Variants in ABCA10 observed in about 807,000 individuals in gnomAD.
ABCA10 encodes ATP binding cassette subfamily A member 10, also known as ATP-binding cassette sub-family A member 10.
Under a neutral mutation model 187.5 loss-of-function variants are expected in ABCA10, and 169 were observed. The ratio of observed to expected loss-of-function variants is 0.90; its 90% CI spans 0.80 to 1.02. The LOEUF is 1.02. Ranked by LOEUF, ABCA10 falls within the 50% of genes least tolerant of loss-of-function variation. The pLI, the probability that ABCA10 is intolerant of heterozygous loss-of-function variation, is 0.00. For synonymous variants in ABCA10, 574 were observed against 601.8 expected (o/e 0.95, Z 0.68); for missense variants, 1,727 against 1,812.4 (o/e 0.95, Z 0.86).
At chr17:69,211,931 G>A (rs1044498945) in intron 9 of ABCA10, among the ~76,000 whole-genome samples, 2 of 151,988 alleles carry the variant, frequency 1.3e-5, no homozygotes, top group African/African-American at 4.8e-5. Context: ...CAAAGAACCA[G>A]CTTTTTGTTT....
chr17:69,175,300 A>G, intron 23 of ABCA10, 106 bp downstream of exon 23: 1 of 960,474 alleles, frequency 1.0e-6, no homozygotes, highest in South Asian at 1.8e-5. Context: ...TGTATGTGTA[A>G]AAACATTAAC....
chr17:69,193,553 T>C lies in ABCA10; in HGVS notation c.1581A>G (p.Lys527=), dbSNP rs576212414. 1.9e-6 allele frequency: 3 copies of C among 1,613,350 alleles called. No homozygotes were observed. Among genetic ancestry groups the C allele is most frequent in the Non-Finnish European group, 2.5e-6 (3 of 1,179,476 alleles). ...GTTTTCTCTTCTGCCCACCACTTAA[T>C]TTTTTAGCAATAATGTCTTGAATGC... is the stretch of plus-strand genomic sequence containing the variant. ...MQSIQDIIAK[K]LSGGQKRKLT... is the part of the protein sequence containing the mutation. The change falls in exon 14 of 39, where the codon AAA becomes AAG. Residue 527 remains lysine, a synonymous_variant. Transcript: ENST00000690296.
At chr17:69,163,272 C>G (rs996458748) in intron 27 of ABCA10, among the ~76,000 whole-genome samples, 1 of 152,160 alleles carries the variant, frequency 6.6e-6, no homozygotes, top group African/African-American at 2.4e-5. Context: ...TCAAAAAGCA[C>G]AGCCACCAAA....
intron 17 of ABCA10, among the ~76,000 whole-genome samples, chr17:69,190,953 G>A (rs1477487493): frequency 6.6e-6 from 1 of 151,990 alleles, no homozygotes; most frequent in Admixed American, 6.6e-5. Flanking sequence ...GTTTAATTTT[G>A]ACAAAGAGTG....
At chr17:69,226,987 T>A (rs1026056851) in intron 2 of ABCA10, among the ~76,000 whole-genome samples, 158 bp downstream of exon 2, 2 of 151,760 alleles carry the variant, frequency 1.3e-5, no homozygotes, top group African/African-American at 4.8e-5. Flanking sequence ...AAAATATATA[T>A]CGTTTTGCAG....
intron 27 of ABCA10, among the ~76,000 whole-genome samples, chr17:69,160,805 T>C (rs1425782175): frequency 6.6e-6 from 1 of 152,200 alleles, no homozygotes; most frequent in Non-Finnish European, 1.5e-5. Flanking sequence ...TTGTACACTG[T>C]TGGTGAGACT....
rs1219860458 is a variant in ABCA10, at chr17:69,215,938, T to C, written c.735A>G (p.Gly245=). The C allele has an allele frequency of 3.1e-6, 5 of 1,613,718 alleles. No individual in the cohort carries two copies. The highest frequency in any genetic ancestry group is 4.2e-6 in the Non-Finnish European group (5 of 1,179,880). The change falls in exon 8 of 39, where the codon GGA becomes GGG. Residue 245 remains glycine, a synonymous_variant. Coordinates refer to ENST00000690296, the MANE Select transcript of ABCA10 (RefSeq NM_001377321.1). ...IRKPMLAGLA[G]FLFTVFWGCL... Reference sequence around the variant, plus strand: ...ATCCCCAAAATACAGTGAAGAGAAATCCAGCCAAACCAGCGAGCATAGGTT... The same window carrying C: ...ATCCCCAAAATACAGTGAAGAGAAACCCAGCCAAACCAGCGAGCATAGGTT...
intron 9 of ABCA10, among the ~76,000 whole-genome samples, chr17:69,208,578 T>C (rs1329285457): frequency 6.6e-6 from 1 of 152,136 alleles, no homozygotes; most frequent in African/African-American, 2.4e-5. Context: ...AAAATTCTCA[T>C]TTTGTCTGCT....
At chr17:69,220,392 C>T (rs2074739119) in intron 5 of ABCA10, among the ~76,000 whole-genome samples, 1 of 152,176 alleles carries the variant, frequency 6.6e-6, no homozygotes, top group Admixed American at 6.6e-5. Context: ...AAGAAATAAA[C>T]CACTCCCATA....
At chr17:69,178,413 A>G (rs2074353391) in intron 22 of ABCA10, among the ~76,000 whole-genome samples, 1 of 152,148 alleles carries the variant, frequency 6.6e-6, no homozygotes, top group Non-Finnish European at 1.5e-5. Flanking sequence ...AGCAGCATCA[A>G]CGTCACCCGG....
chr17:69,173,676 T>A (rs1269598789), intron 25 of ABCA10, among the ~76,000 whole-genome samples: 1 of 152,124 alleles, frequency 6.6e-6, no homozygotes. Context: ...TAAGTGAATC[T>A]TACTTAACAA....
chr17:69,217,575 A>G (rs896073732), intron 6 of ABCA10, among the ~76,000 whole-genome samples: 3 of 152,356 alleles, frequency 2.0e-5, no homozygotes, highest in African/African-American at 2.4e-5. Flanking sequence ...ATAGTACTCA[A>G]CAATAAGAAA....
intron 9 of ABCA10, among the ~76,000 whole-genome samples, chr17:69,204,828 G>A (rs564431171): frequency 5.4e-4 from 82 of 152,300 alleles, no homozygotes; most frequent in African/African-American, 1.9e-3. Context: ...TTTGAAAGAT[G>A]CTTATAAAAA....
chr17:69,216,389 G>A (rs909949998), intron 6 of ABCA10, 31 bp from the exon 7 acceptor site: 1 of 1,585,350 alleles, frequency 6.3e-7, no homozygotes, highest in East Asian at 2.2e-5. Context: ...TAGTTCAACT[G>A]TCACAAACAT....
At chr17:69,229,052 A>C (rs1198547620), upstream of ABCA10, among the ~76,000 whole-genome samples, 4 of 152,076 alleles carry the variant, frequency 2.6e-5, no homozygotes, top group African/African-American at 4.8e-5. Flanking sequence ...TGCTCATCTC[A>C]GAAATCTGAA....
intron 18 of ABCA10, among the ~76,000 whole-genome samples, chr17:69,188,568 T>C (rs1428196630): frequency 6.6e-6 from 1 of 151,530 alleles, no homozygotes; most frequent in Non-Finnish European, 1.5e-5. Flanking sequence ...GTGTGTCATT[T>C]AGGTGCAGGC....
At chr17:69,161,894 A>G (rs1598089186) in intron 27 of ABCA10, among the ~76,000 whole-genome samples, 1 of 152,198 alleles carries the variant, frequency 6.6e-6, no homozygotes, top group Non-Finnish European at 1.5e-5. Flanking sequence ...CAACTTACAG[A>G]TGGTTAAGTG....
chr17:69,201,701 C>A (rs1408491969), intron 9 of ABCA10, 33 bp from the exon 10 acceptor site: 1 of 1,497,304 alleles, frequency 6.7e-7, no homozygotes, highest in South Asian at 1.3e-5. Flanking sequence ...CATATTGCAT[C>A]AATTATACCA....
intron 22 of ABCA10, among the ~76,000 whole-genome samples, chr17:69,180,357 T>C (rs141056279): frequency 5.4e-4 from 82 of 152,292 alleles, no homozygotes; most frequent in Middle Eastern, 3.4e-3. Flanking sequence ...AAGTCAAGTA[T>C]AATTATTACT....
Sources: gnomAD v4.1 joint callset for allele counts (sites outside exome capture counted in the v4.1 genomes callset) on GRCh38, gnomAD v4.1.1 for gene constraint, MANE v1.5 for transcripts, NCBI Gene and HGNC (gene_info 2026-07-23, HGNC 2026-07-21) for gene names.